The following RAB11FIP4 variants were observed in gnomAD, a reference collection of about 807,000 sequenced individuals.
RAB11FIP4 encodes RAB11 family interacting protein 4.
RAB11FIP4 carries 23 observed loss-of-function variants against 74.3 expected under a neutral mutation model. The observed-to-expected ratio is 0.31, with a 90% confidence interval of 0.22 to 0.44. The LOEUF (loss-of-function observed/expected upper bound fraction) is 0.44. RAB11FIP4 is among the 20% of genes least tolerant of loss of function. The pLI is 1.00. For missense variants in RAB11FIP4, 630 were observed against 863.9 expected (o/e 0.73, Z 3.39); for synonymous variants, 360 against 359.9 (o/e 1.00, Z 0.00).
At chr17:31,494,433 T>G (rs2072074577) in intron 3 of RAB11FIP4, among the ~76,000 whole-genome samples, 1 of 152,086 alleles carries the variant, frequency 6.6e-6, no homozygotes, top group South Asian at 2.1e-4. Flanking sequence ...GAGCTGTTAT[T>G]CTTAGTTCCT....
chr17:31,509,372 G>A (rs2072412034), intron 3 of RAB11FIP4: 1 of 152,110 alleles, frequency 6.6e-6, no homozygotes, highest in African/African-American at 2.4e-5. Context: ...GATGGAAGTG[G>A]AGCGCAGCAA....
chr17:31,492,400 C>T (rs1166014949), intron 3 of RAB11FIP4, among the ~76,000 whole-genome samples: 1 of 152,160 alleles, frequency 6.6e-6, no homozygotes, highest in Non-Finnish European at 1.5e-5. Context: ...TTCATCCACC[C>T]CCCTGCTATG....
At chr17:31,517,943 T>C (rs955662636) in intron 4 of RAB11FIP4, 66 bp downstream of exon 4, 6 of 1,309,424 alleles carry the variant, frequency 4.6e-6, no homozygotes, top group Non-Finnish European at 6.4e-6. Context: ...TCTTGGAAAG[T>C]GTCTCCAGGA....
At chr17:31,499,159 G>C (rs76904438) in intron 3 of RAB11FIP4, among the ~76,000 whole-genome samples, 1 of 152,122 alleles carries the variant, frequency 6.6e-6, no homozygotes, top group Admixed American at 6.6e-5. Context: ...TGGAGCTTCC[G>C]GTAGGCATTT....
At chr17:31,523,156 A>G (rs1164135426) in intron 7 of RAB11FIP4, 3 of 327,442 alleles carry the variant, frequency 9.2e-6, no homozygotes, top group Non-Finnish European at 1.8e-5. Flanking sequence ...GAGCTGGGCT[A>G]CCTCCTTGGG....
At position 31,465,776 on chromosome 17, in the gene RAB11FIP4, C is replaced by T. The variant is rs1002536007; in HGVS notation, c.336+31654C>T. The T allele has an allele frequency of 4.6e-5, 7 of 151,780 alleles. No individual in the cohort carries two copies. In the South Asian group the frequency reaches 6.2e-4, roughly 14 times the overall value. 9.4% of individuals were successfully genotyped at this position (151,780 alleles called of 1,614,324 possible). A position where few individuals can be genotyped will look rare whatever the true frequency, so the allele number is the denominator to read the frequency against. On this transcript the variant is annotated intron_variant, in intron 3 of 14. Coordinates refer to ENST00000621161, the MANE Select transcript of RAB11FIP4 (RefSeq NM_032932.6). ...CTCCCGTGTTGATCAGTGGTGGGATCGCGCCTACCAGTGGCCACTGCACTC... is the reference window on the plus strand; with the variant it reads ...CTCCCGTGTTGATCAGTGGTGGGATTGCGCCTACCAGTGGCCACTGCACTC...
intron 3 of RAB11FIP4, among the ~76,000 whole-genome samples, chr17:31,497,777 C>T (rs978585496): frequency 1.3e-4 from 20 of 152,104 alleles, no homozygotes; most frequent in African/African-American, 4.1e-4. Context: ...GCTGAGTGTG[C>T]GCTGCTGGCT....
chr17:31,470,011 T>C (rs1335465122), intron 3 of RAB11FIP4, among the ~76,000 whole-genome samples: 1 of 152,204 alleles, frequency 6.6e-6, no homozygotes, highest in Non-Finnish European at 1.5e-5. Context: ...CTTCACACCA[T>C]GTGCCTGACA....
At chr17:31,515,155 G>T (rs2072523200) in intron 3 of RAB11FIP4, among the ~76,000 whole-genome samples, 1 of 152,180 alleles carries the variant, frequency 6.6e-6, no homozygotes, top group Non-Finnish European at 1.5e-5. Context: ...GCCCAGCTCG[G>T]TCTCTGGAAC....
chr17:31,414,626 G>A (rs2071129976), intron 1 of RAB11FIP4, among the ~76,000 whole-genome samples: 1 of 152,206 alleles, frequency 6.6e-6, no homozygotes, highest in South Asian at 2.1e-4. Flanking sequence ...AGCTGTGGCG[G>A]CTGGGACAGC....
rs565555412 is a variant in RAB11FIP4, at chr17:31,401,624, G to A, written c.159+9613G>A. 1.6e-4 allele frequency among the ~76,000 whole-genome samples: 24 copies of A among 152,376 alleles called. No homozygotes were observed. The South Asian group carries it at 3.9e-3, about 25-fold the overall frequency. On this transcript the variant is annotated intron_variant, in intron 1 of 14. Coordinates refer to ENST00000621161, the MANE Select transcript of RAB11FIP4 (RefSeq NM_032932.6). The stretch of plus-strand genomic sequence containing the variant: ...AGGGCTTACAGGCGCAAAACCCGGA[G>A]AAGATTGCCAGCTTCCTCCAAAGTG...
At position 31,494,655 on chromosome 17, in the gene RAB11FIP4, A is replaced by G. The variant is rs545162474; in HGVS notation, c.337-22996A>G. Among the ~76,000 whole-genome samples the G allele has an allele frequency of 5.2e-3, 794 of 152,088 alleles. 4 individuals are homozygous for G. The highest frequency in any genetic ancestry group is 0.018 in the African/African-American group (742 of 41,506). On this transcript the variant is annotated intron_variant, in intron 3 of 14. Transcript: ENST00000621161. ...TTTTAATTTTAATTTTTTTAAAAAAAAAGTAGAAATGAGGTGTTACTATGT... is the reference window on the plus strand; with the variant it reads ...TTTTAATTTTAATTTTTTTAAAAAAGAAGTAGAAATGAGGTGTTACTATGT...
intron 1 of RAB11FIP4, among the ~76,000 whole-genome samples, chr17:31,410,372 C>G (rs2071081937): frequency 6.6e-6 from 1 of 152,146 alleles, no homozygotes; most frequent in African/African-American, 2.4e-5. Flanking sequence ...GCACCTGCGG[C>G]TGCAGATACA....
At chr17:31,490,241 C>T (rs2071982500) in intron 3 of RAB11FIP4, among the ~76,000 whole-genome samples, 1 of 152,140 alleles carries the variant, frequency 6.6e-6, no homozygotes, top group Non-Finnish European at 1.5e-5. Context: ...CTGCTTCAGA[C>T]CCAAGGTTTT....
chr17:31,483,405 G>A (rs1465133919), intron 3 of RAB11FIP4, among the ~76,000 whole-genome samples: 1 of 152,106 alleles, frequency 6.6e-6, no homozygotes, highest in Non-Finnish European at 1.5e-5. Flanking sequence ...CTACTTGTGA[G>A]GGGAGATGCC....
chr17:31,403,897 G>T (rs2071018861), intron 1 of RAB11FIP4, among the ~76,000 whole-genome samples: 1 of 152,158 alleles, frequency 6.6e-6, no homozygotes, highest in African/African-American at 2.4e-5. Context: ...TTTGAGCCTG[G>T]GGTGGTCTCG....
Position 31,512,572 on chromosome 17 carries a change from C to A in RAB11FIP4, c.337-5079C>A, listed in dbSNP as rs767613330. 1.3e-4 allele frequency among the ~76,000 whole-genome samples: 20 copies of A among 152,166 alleles called. No individual in the cohort carries two copies. The highest frequency in any genetic ancestry group is 2.4e-4 in the Non-Finnish European group (16 of 68,022). ...GCCATGTACCAGCCAAGCCTGTGGG[C>A]CTATGGTGGCTGGCCCTGTGTCCCA... On this transcript the variant is annotated intron_variant, in intron 3 of 14. Coordinates refer to ENST00000621161, the MANE Select transcript of RAB11FIP4 (RefSeq NM_032932.6). The surrounding 1 kb of genome is among the most constrained non-coding windows in gnomAD (Gnocchi z 4.1).
At chr17:31,487,965 CG>C in intron 3 of RAB11FIP4, 1 of 846,708 alleles carries the variant, frequency 1.2e-6, no homozygotes, top group Non-Finnish European at 1.4e-6. Flanking sequence ...CCTCCGCCCC[CG>C]CCCCCGCCCC....
intron 1 of RAB11FIP4, among the ~76,000 whole-genome samples, chr17:31,424,017 C>T (rs561346884): frequency 4.6e-5 from 7 of 152,238 alleles, no homozygotes; most frequent in Non-Finnish European, 1.0e-4. Context: ...ACTTCTCCCA[C>T]TCGATTTTTC....
Sources: allele counts gnomAD v4.1 joint callset (sites outside exome capture counted in the v4.1 genomes callset), GRCh38; gene constraint gnomAD v4.1.1; non-coding constraint Gnocchi (gnomAD v3.1); transcripts MANE v1.5; gene names NCBI Gene and HGNC (gene_info 2026-07-23, HGNC 2026-07-21).